Variants in ASAP1 observed in about 807,000 individuals in gnomAD.
ASAP1 encodes arf-GAP with SH3 domain, ANK repeat and PH domain-containing protein 1.
Under a neutral mutation model 145.2 loss-of-function variants are expected in ASAP1, and 43 were observed. The observed-to-expected ratio is 0.30, with a 90% CI of 0.23 to 0.38. The LOEUF (loss-of-function observed/expected upper bound fraction) is 0.38, where lower values mean the gene tolerates loss of function less well. Ranked by LOEUF, ASAP1 falls within the 10% of genes least tolerant of loss-of-function variation. The probability of loss-of-function intolerance (pLI) is 1.00; values close to 1 mark genes in which losing one functional copy is unlikely to be tolerated. For synonymous variants in ASAP1, 546 were observed against 515.5 expected, an observed-to-expected ratio of 1.06 and a Z score of -0.80; for missense variants, 1,018 against 1,355.3, an observed-to-expected ratio of 0.75 and a Z score of 3.91.
chr8:130,265,572 T>TAAA (rs1565151907), intron 3 of ASAP1, among the ~76,000 whole-genome samples: 3 of 142,504 alleles, frequency 2.1e-5, no homozygotes, highest in African/African-American at 7.8e-5. Context: ...AACCCTGTCT[T>TAAA]TAAAAAAAAA....
intron 5 of ASAP1, among the ~76,000 whole-genome samples, chr8:130,192,127 C>T (rs1815181240): frequency 6.6e-6 from 1 of 152,076 alleles, no homozygotes; most frequent in Admixed American, 6.6e-5. Context: ...CAATCACACA[C>T]CAACAGACTG....
At chr8:130,194,381 C>CA (rs58904969) in intron 5 of ASAP1, among the ~76,000 whole-genome samples, 5,748 of 133,320 alleles carry the variant, frequency 0.043, 138 homozygotes, top group Middle Eastern at 0.078. Flanking sequence ...CTGGGGGGAG[C>CA]AAAAAAAAAA....
intron 3 of ASAP1, among the ~76,000 whole-genome samples, chr8:130,258,060 G>A (rs746009257): frequency 2.8e-4 from 42 of 152,208 alleles, no homozygotes; most frequent in Non-Finnish European, 5.4e-4. Flanking sequence ...CCTATAGAAG[G>A]CCCTGGTTGA....
intron 2 of ASAP1, among the ~76,000 whole-genome samples, chr8:130,379,793 A>G (rs1465302380): frequency 1.3e-5 from 2 of 152,180 alleles, no homozygotes; most frequent in African/African-American, 4.8e-5. Flanking sequence ...ACAAGAGGCC[A>G]GTGCTCATCA....
rs1197294508 is a variant in ASAP1 at position 130,358,422 on chromosome 8, A to T, written c.60-279T>A. On this transcript the variant is annotated intron_variant, in intron 2 of 29. Transcript: ENST00000518721. This position sits in a 1 kb window ranked among gnomAD's most constrained non-coding sequence, Gnocchi z 4.1. ...CTCCGGGACCCGCCTCCCTCTGCTCATGCCGGCGGCGGCAGCTCCTCAGCG... is the reference window on the plus strand; with the variant it reads ...CTCCGGGACCCGCCTCCCTCTGCTCTTGCCGGCGGCGGCAGCTCCTCAGCG... Among the ~76,000 whole-genome samples, 2 of 148,080 alleles carry T rather than the reference A, an allele frequency of 1.4e-5. No homozygotes were observed. Among genetic ancestry groups the T allele is most frequent in the South Asian group, 2.1e-4 (1 of 4,802 alleles).
At chr8:130,343,933 G>C (rs1184345045) in intron 3 of ASAP1, among the ~76,000 whole-genome samples, 1 of 152,150 alleles carries the variant, frequency 6.6e-6, no homozygotes, top group African/African-American at 2.4e-5. Context: ...TGACAGTAGC[G>C]GCTACCTCTG....
rs534240902 is a variant in ASAP1 at position 130,153,774 on chromosome 8, C to T, written c.1011-969G>A. Among the ~76,000 whole-genome samples, 6 of 152,192 alleles carry T rather than the reference C, an allele frequency of 3.9e-5. 1 individual carries two copies. Among genetic ancestry groups the T allele is most frequent in the African/African-American group, 1.4e-4 (6 of 41,506 alleles). On this transcript the variant is annotated intron_variant, in intron 12 of 29. Coordinates refer to ENST00000518721, the MANE Select transcript of ASAP1 (RefSeq NM_018482.4). The stretch of plus-strand genomic sequence containing the variant: ...GTACTACAATGATATAATAATAACT[C>T]CTCTCTAGGAAGGGGACCCAAACCT...
At chr8:130,250,022 T>A (rs1001312017) in intron 3 of ASAP1, among the ~76,000 whole-genome samples, 1 of 152,126 alleles carries the variant, frequency 6.6e-6, no homozygotes, top group Non-Finnish European at 1.5e-5. Context: ...AAATTTTAAT[T>A]TAAAAAAAAG....
At chr8:130,330,338 C>T (rs924762730) in intron 3 of ASAP1, among the ~76,000 whole-genome samples, 1 of 152,234 alleles carries the variant, frequency 6.6e-6, no homozygotes, top group Non-Finnish European at 1.5e-5. Flanking sequence ...GGTCCAGGTC[C>T]GAAAGGACCC....
At chr8:130,223,803 T>TTA (rs1817434889) in intron 4 of ASAP1, among the ~76,000 whole-genome samples, 1 of 152,142 alleles carries the variant, frequency 6.6e-6, no homozygotes, top group South Asian at 2.1e-4. Context: ...TCCAAGGTCT[T>TTA]TATGCAAGTT....
intron 3 of ASAP1, among the ~76,000 whole-genome samples, chr8:130,353,506 T>C (rs1376276463): frequency 6.6e-6 from 1 of 152,222 alleles, no homozygotes; most frequent in Non-Finnish European, 1.5e-5. Flanking sequence ...CTATGTTCCC[T>C]ATAAAGCCAC....
At chr8:130,192,840 G>A (rs1815231280) in intron 5 of ASAP1, among the ~76,000 whole-genome samples, 1 of 152,152 alleles carries the variant, frequency 6.6e-6, no homozygotes, top group Non-Finnish European at 1.5e-5. Flanking sequence ...ACTTGCAGAA[G>A]AAATGAAATA....
At chr8:130,189,221 A>G (rs940349968) in intron 5 of ASAP1, among the ~76,000 whole-genome samples, 20 of 152,180 alleles carry the variant, frequency 1.3e-4, no homozygotes, top group African/African-American at 4.8e-4. Context: ...ATCATTAACT[A>G]CAGTCACTCT....
chr8:130,137,123 G>C (rs1270817735), intron 13 of ASAP1, 85 bp from the exon 14 acceptor site: 1 of 1,083,580 alleles, frequency 9.2e-7, no homozygotes, highest in Non-Finnish European at 1.4e-6. Context: ...CAGGTATGCT[G>C]TTCATAAGGC....
intron 18 of ASAP1, among the ~76,000 whole-genome samples, chr8:130,121,897 G>C (rs942471084): frequency 6.7e-6 from 1 of 149,782 alleles, no homozygotes; most frequent in Non-Finnish European, 1.5e-5. Flanking sequence ...CAAATCCCCA[G>C]GCAGTCCATG....
chr8:130,227,823 T>A (rs1308452648), intron 4 of ASAP1, among the ~76,000 whole-genome samples: 1 of 152,098 alleles, frequency 6.6e-6, no homozygotes, highest in East Asian at 1.9e-4. Context: ...ACGTGTGTCG[T>A]CGTTCTGAGG....
intron 3 of ASAP1, among the ~76,000 whole-genome samples, chr8:130,243,724 T>C (rs1030089940): frequency 2.6e-5 from 4 of 152,198 alleles, no homozygotes; most frequent in Admixed American, 2.6e-4. Flanking sequence ...CGGGCCTAGC[T>C]TGTACCTTCT....
intron 14 of ASAP1, among the ~76,000 whole-genome samples, chr8:130,135,564 G>A (rs1432765541): frequency 6.6e-6 from 1 of 152,192 alleles, no homozygotes; most frequent in Non-Finnish European, 1.5e-5. Context: ...CAGAGCCTGA[G>A]AGCTTTGGTT....
intron 1 of ASAP1, among the ~76,000 whole-genome samples, chr8:130,440,157 T>C (rs142430049): frequency 1.8e-4 from 27 of 152,278 alleles, no homozygotes; most frequent in African/African-American, 6.0e-4. Context: ...TGTCCAGTTC[T>C]AAGCCACCAT....
Sources: allele counts gnomAD v4.1 joint callset (sites outside exome capture counted in the v4.1 genomes callset), GRCh38; gene constraint gnomAD v4.1.1; non-coding constraint Gnocchi (gnomAD v3.1); transcripts MANE v1.5; gene names NCBI Gene and HGNC (gene_info 2026-07-23, HGNC 2026-07-21).